Variants in PLXNA4 observed in about 807,000 individuals in gnomAD.
PLXNA4 encodes plexin A4.
In PLXNA4, 44 loss-of-function variants were observed where a neutral mutation model predicts 191.8. The ratio of observed to expected loss-of-function variants is 0.23; its 90% CI spans 0.18 to 0.29. PLXNA4 has a LOEUF of 0.29. Among genes scored for constraint, PLXNA4 ranks in the 10% least tolerant of loss-of-function variants. The probability of loss-of-function intolerance (pLI) is 1.00; values close to 1 mark genes in which losing one functional copy is unlikely to be tolerated. For missense variants in PLXNA4, 1,800 were observed against 2,488.8 expected (o/e 0.72, Z 5.89); for synonymous variants, 1,082 against 1,009.5 (o/e 1.07, Z -1.36).
intron 2 of PLXNA4, among the ~76,000 whole-genome samples, chr7:132,599,255 T>G (rs1802773032): frequency 6.6e-6 from 1 of 152,234 alleles, no homozygotes; most frequent in African/African-American, 2.4e-5. Flanking sequence ...TCAGAGTAGA[T>G]GCATTGAGCT....
At chr7:132,394,687 T>G (rs905518122) in intron 3 of PLXNA4, among the ~76,000 whole-genome samples, 1 of 152,334 alleles carries the variant, frequency 6.6e-6, no homozygotes, top group South Asian at 2.1e-4. Context: ...TGAGTTAATG[T>G]GAGGCCAGGG....
rs554457363 is a variant in PLXNA4, at chr7:132,371,223, G to A, written c.1372-73001C>T. Among the ~76,000 whole-genome samples the A allele has an allele frequency of 4.6e-5, 7 of 152,248 alleles. No individual in the cohort carries two copies. In the East Asian group the frequency reaches 5.8e-4, roughly 13 times the overall value. ...ACCAGGTTTTAAGTCCTTTGGCTCC[G>A]TGTTATGTATACAGAAGGCACAGAG... On this transcript the variant is annotated intron_variant, in intron 3 of 31. Coordinates refer to ENST00000321063, the MANE Select transcript of PLXNA4 (RefSeq NM_020911.2).
At chr7:132,532,938 A>C (rs1317341336) in intron 1 of PLXNA4, among the ~76,000 whole-genome samples, 1 of 152,224 alleles carries the variant, frequency 6.6e-6, no homozygotes, top group Non-Finnish European at 1.5e-5. Flanking sequence ...CTTAAGCATA[A>C]AACAGAGATG....
At chr7:132,605,508 T>A (rs551207303) in intron 2 of PLXNA4, among the ~76,000 whole-genome samples, 2 of 152,190 alleles carry the variant, frequency 1.3e-5, no homozygotes, top group African/African-American at 4.8e-5. Context: ...ATGATGGTGC[T>A]TGGGGGGCCT....
chr7:132,204,296 A>G (rs2116871122), intron 10 of PLXNA4, among the ~76,000 whole-genome samples: 1 of 152,328 alleles, frequency 6.6e-6, no homozygotes, highest in South Asian at 2.1e-4. Context: ...CTGCCTTCCC[A>G]TAGCAGACCC....
At chr7:132,259,419 A>G (rs1799543884) in intron 4 of PLXNA4, among the ~76,000 whole-genome samples, 1 of 122,056 alleles carries the variant, frequency 8.2e-6, no homozygotes, top group Non-Finnish European at 1.6e-5. Context: ...CTGGGCAACA[A>G]GAGCAAAACT....
intron 1 of PLXNA4, among the ~76,000 whole-genome samples, chr7:132,527,198 A>G (rs1237226439): frequency 6.6e-6 from 1 of 152,170 alleles, no homozygotes; most frequent in African/African-American, 2.4e-5. Context: ...GAAGAAACTG[A>G]AATCTTTAGA....
Position 132,489,276 on chromosome 7 carries a change from T to A in PLXNA4, c.1371+16A>T, listed in dbSNP as rs1797685461. On this transcript the variant is annotated intron_variant, in intron 3 of 31. Coordinates refer to ENST00000321063, the MANE Select transcript of PLXNA4 (RefSeq NM_020911.2). ...CTGTCTTCACAGTAACCAAAAGTAC[T>A]GCACCTCATTCCTACCTTCTTCAGC... 6.4e-7 allele frequency: 1 copy of A among 1,573,426 alleles called. No individual in the cohort carries two copies. The highest frequency in any genetic ancestry group is 8.7e-7 in the Non-Finnish European group (1 of 1,147,526).
intron 1 of PLXNA4, among the ~76,000 whole-genome samples, chr7:132,573,757 C>G (rs986921577): frequency 1.3e-5 from 2 of 152,100 alleles, no homozygotes; most frequent in African/African-American, 4.8e-5. Flanking sequence ...GATGAGAGCC[C>G]GGGGAGGCGT....
intron 1 of PLXNA4, among the ~76,000 whole-genome samples, chr7:132,519,939 C>A (rs1428064536): frequency 6.6e-6 from 1 of 152,222 alleles, no homozygotes; most frequent in Non-Finnish European, 1.5e-5. Context: ...CCAGTTTCTT[C>A]TTGTGCTAAA....
intron 5 of PLXNA4, among the ~76,000 whole-genome samples, chr7:132,234,029 A>G (rs1056509534): frequency 4.6e-5 from 7 of 152,056 alleles, no homozygotes; most frequent in Admixed American, 6.5e-5. Flanking sequence ...TTAATTTTCT[A>G]CTAAGGTTGA....
intron 3 of PLXNA4, among the ~76,000 whole-genome samples, chr7:132,312,009 C>A (rs2116586920): frequency 6.6e-6 from 1 of 152,216 alleles, no homozygotes; most frequent in South Asian, 2.1e-4. Flanking sequence ...TGACCACCCT[C>A]ATCCCAGGAA....
Position 132,249,053 on chromosome 7 carries a change from G to T in PLXNA4, c.1504-7887C>A, listed in dbSNP as rs1206950967. Among the ~76,000 whole-genome samples, 5 of 152,210 alleles carry T rather than the reference G, an allele frequency of 3.3e-5. No individual in the cohort carries two copies. In the East Asian group the frequency reaches 9.7e-4, roughly 29 times the overall value. On this transcript the variant is annotated intron_variant, in intron 4 of 31. Coordinates refer to ENST00000321063, the MANE Select transcript of PLXNA4 (RefSeq NM_020911.2). ...TACCTGCCTCTAGGCAGGACCTCTG[G>T]GGTCAAGGTTGATGATATTTAGAAT...
At chr7:132,276,924 G>A (rs1318444337) in intron 4 of PLXNA4, among the ~76,000 whole-genome samples, 2 of 152,132 alleles carry the variant, frequency 1.3e-5, no homozygotes, top group African/African-American at 2.4e-5. Flanking sequence ...ATTGGCATCT[G>A]GGGGAGGTGC....
At position 132,385,048 on chromosome 7, in the gene PLXNA4, T is replaced by G. The variant is rs796943093; in HGVS notation, c.1372-86826A>C. 3 of 1,472,696 alleles carry G rather than the reference T, an allele frequency of 2.0e-6. No individual in the cohort carries two copies. The African/African-American group carries it at 4.3e-5, about 21-fold the overall frequency. 91.2% of individuals were successfully genotyped at this position (1,472,696 alleles called of 1,614,324 possible). A position where few individuals can be genotyped will look rare whatever the true frequency, so the allele number is the denominator to read the frequency against. On this transcript the variant is annotated intron_variant, in intron 3 of 31. Transcript: ENST00000321063. ...CACATTCTCCAAAGTCTTTTTTCCC[T>G]AAGGACTTGGGGTGGCAGGACATGA... is the stretch of plus-strand genomic sequence containing the variant.
At chr7:132,544,056 T>TA (rs1434528501) in intron 1 of PLXNA4, among the ~76,000 whole-genome samples, 1 of 152,186 alleles carries the variant, frequency 6.6e-6, no homozygotes, top group Non-Finnish European at 1.5e-5. Context: ...AGTAAAATGA[T>TA]ATGATTTGCC....
At chr7:132,301,608 G>C (rs542299184) in intron 3 of PLXNA4, among the ~76,000 whole-genome samples, 6 of 152,084 alleles carry the variant, frequency 3.9e-5, no homozygotes, top group Non-Finnish European at 7.4e-5. Flanking sequence ...TACACCAAAG[G>C]CTCACACTGA....
chr7:132,173,673 C>T (rs1331455071), intron 21 of PLXNA4, among the ~76,000 whole-genome samples: 2 of 152,214 alleles, frequency 1.3e-5, no homozygotes, highest in Non-Finnish European at 2.9e-5. Context: ...TTGGACAGCC[C>T]ACTTAGACAT....
chr7:132,401,699 A>G (rs990832799), intron 3 of PLXNA4, among the ~76,000 whole-genome samples: 1 of 152,184 alleles, frequency 6.6e-6, no homozygotes, highest in African/African-American at 2.4e-5. Context: ...TTGTGTGGCC[A>G]TACTGGGGAG....
Sources: allele counts gnomAD v4.1 joint callset (sites outside exome capture counted in the v4.1 genomes callset), GRCh38; gene constraint gnomAD v4.1.1; transcripts MANE v1.5; gene names NCBI Gene and HGNC (gene_info 2026-07-23, HGNC 2026-07-21).